OR8D1: variants seen among roughly 807,000 people sequenced by gnomAD.
The protein encoded by OR8D1 is olfactory receptor family 8 subfamily D member 1, also known as olfactory receptor 8D1.
For missense variants in OR8D1, 384 were observed against 366.8 expected (o/e 1.05, Z -0.38); for synonymous variants, 143 against 147.0 (o/e 0.97, Z 0.20).
rs758753578 is a variant in OR8D1 at position 124,310,597 on chromosome 11, G to A, written c.170C>T (p.Thr57Ile). The change falls in exon 3 of 3, where the codon ACC (threonine) becomes ATC (isoleucine). Residue 57 changes from threonine (T) to isoleucine (I), a missense_variant. Physicochemically the swap from Thr to Ile is moderately conservative, Grantham distance 89. Transcript: ENST00000641015. ...LLIAVSPLLHTPMYYFLSSLS... is the reference protein window; with the variant it reads ...LLIAVSPLLHIPMYYFLSSLS... ...GCTGCTGAGGAAATAGTACATGGGG[G>A]TGTGAAGTAGAGGGCTGACTGCAAT... 5 of 1,613,926 alleles carry A rather than the reference G, an allele frequency of 3.1e-6. No individual in the cohort carries two copies. The South Asian group carries it at 5.5e-5, about 18-fold the overall frequency.
intron 2 of OR8D1, 132 bp from the exon 3 acceptor site, chr11:124,310,914 T>A (rs1862416455): frequency 1.7e-6 from 1 of 602,428 alleles, no homozygotes; most frequent in African/African-American, 1.8e-5. Context: ...CTAAACTTGA[T>A]ACCTCTGCTT....
rs1252209367 is a variant in OR8D1, at chr11:124,307,619, A to T, written c.*2221T>A. 1 of 152,176 alleles carries T rather than the reference A, an allele frequency of 6.6e-6. No homozygotes were observed. Among genetic ancestry groups the T allele is most frequent in the Non-Finnish European group, 1.5e-5 (1 of 68,026 alleles). The allele number at this position is 152,176 out of a possible 1,614,324, so 9.4% of individuals were successfully genotyped here. ...TTAGCAACTGCGAAAGCCACTTAAG[A>T]ATCAGAAAATATTGGTGCAGCTTAA... On this transcript the variant is annotated 3_prime_UTR_variant, in exon 3 of 3. Coordinates refer to ENST00000641015, the MANE Select transcript of OR8D1 (RefSeq NM_001002917.2).
Position 124,309,946 on chromosome 11 carries a change from G to A in OR8D1, c.821C>T (p.Ser274Phe), listed in dbSNP as rs779518083. Residue 274 changes from serine to phenylalanine, a missense_variant, in exon 3 of 3, where the codon TCC becomes TTC. By Grantham distance (155) the Ser-to-Phe change is radical (BLOSUM62 -2). Coordinates refer to ENST00000641015, the MANE Select transcript of OR8D1 (RefSeq NM_001002917.2). ...SSNSLDQEKV[S>F]SVFYTTVIPM... Reference sequence around the variant, plus strand: ...GATCACCGTGGTGTAGAACACAGAGGACACCTTCTCCTGGTCCAGGGAGTT... The same window carrying A: ...GATCACCGTGGTGTAGAACACAGAGAACACCTTCTCCTGGTCCAGGGAGTT... 1.0e-5 allele frequency: 16 copies of A among 1,554,978 alleles called. No homozygotes were observed. The South Asian group carries it at 1.9e-4, about 18-fold the overall frequency.
At position 124,309,687 on chromosome 11, in the gene OR8D1, G is replaced by A. The variant is rs1862400207; in HGVS notation, c.*153C>T. ...CTGCTTTACACAATTCTTTTATTTT[G>A]TTGAGAAAGTTGAATCAATCATAGA... On this transcript the variant is annotated 3_prime_UTR_variant, in exon 3 of 3. Transcript: ENST00000641015. The A allele has an allele frequency of 7.1e-6, 3 of 422,412 alleles. No homozygotes were observed. The highest frequency in any genetic ancestry group is 1.2e-5 in the Non-Finnish European group (3 of 243,264). The allele number at this position is 422,412 out of a possible 1,614,324, so 26.2% of individuals were successfully genotyped here. A position where few individuals can be genotyped will look rare whatever the true frequency, so the allele number is the denominator to read the frequency against.
At position 124,308,258 on chromosome 11, in the gene OR8D1, T is replaced by C. The variant is rs1862383855; in HGVS notation, c.*1582A>G. 6.6e-6 allele frequency: 1 copy of C among 152,038 alleles called. No individual in the cohort carries two copies. Among genetic ancestry groups the C allele is most frequent in the Non-Finnish European group, 1.5e-5 (1 of 67,990 alleles). The allele number at this position is 152,038 out of a possible 1,614,324, so 9.4% of individuals were successfully genotyped here. On this transcript the variant is annotated 3_prime_UTR_variant, in exon 3 of 3. Transcript: ENST00000641015. ...TAGAAAACTATGTGGCACCAAATGA[T>C]AATTTGAAGGTCAGGATCCTGGATT...
chr11:124,305,267 A>G lies in OR8D1; in HGVS notation c.*4573T>C, dbSNP rs890271185. Reference sequence around the variant, plus strand: ...AGGCAAGTTGATAGTGCTATGATGCATGCAAATCATGGTGAATCTGAAAGT... The same window carrying G: ...AGGCAAGTTGATAGTGCTATGATGCGTGCAAATCATGGTGAATCTGAAAGT... On this transcript the variant is annotated 3_prime_UTR_variant, in exon 3 of 3. Coordinates refer to ENST00000641015, the MANE Select transcript of OR8D1 (RefSeq NM_001002917.2). 2 of 152,112 alleles carry G rather than the reference A, an allele frequency of 1.3e-5. No individual in the cohort carries two copies. The highest frequency in any genetic ancestry group is 3.9e-4 in the East Asian group (2 of 5,174). 9.4% of individuals were successfully genotyped at this position (152,112 alleles called of 1,614,324 possible).
chr11:124,310,763 T>C lies in OR8D1; in HGVS notation c.4A>G (p.Thr2Ala). The C allele has an allele frequency of 5.6e-6, 9 of 1,606,656 alleles. No homozygotes were observed. Among genetic ancestry groups the C allele is most frequent in the Non-Finnish European group, 7.7e-6 (9 of 1,175,394 alleles). ...GCTGCCATAGAATAATTTTCCATGG[T>C]CATTCTTCTTTAGGCATTTCTGTGA... M[T>A]MENYSMAAQF... Residue 2 changes from threonine (T) to alanine (A), a missense_variant, in exon 3 of 3, where the codon ACC becomes GCC. Physicochemically the swap from Thr to Ala is moderately conservative, Grantham distance 58. Transcript: ENST00000641015.
rs1307276455 is a variant in OR8D1 at position 124,309,998 on chromosome 11, A to G, written c.769T>C (p.Phe257Leu). 6.3e-7 allele frequency: 1 copy of G among 1,588,860 alleles called. No individual in the cohort carries two copies. Among genetic ancestry groups the G allele is most frequent in the Non-Finnish European group, 8.6e-7 (1 of 1,168,214 alleles). The change falls in exon 3 of 3, where the codon TTC becomes CTC. Residue 257 changes from phenylalanine to leucine, a missense_variant. Phe to Leu is a conservative substitution (Grantham distance 22, BLOSUM62 0). Coordinates refer to ENST00000641015, the MANE Select transcript of OR8D1 (RefSeq NM_001002917.2). ...AVVIFFGSIT[F>L]MYFKPPSSNS... ...CTTGAAGGGGGCTTGAAATACATGA[A>G]GGTAATGGACCCAAAGAAGATCACC...
In OR8D1 at chr11:124,304,177, T is replaced by C. The variant is rs932970131; in HGVS notation, c.*5663A>G. On this transcript the variant is annotated 3_prime_UTR_variant, in exon 3 of 3. Coordinates refer to ENST00000641015, the MANE Select transcript of OR8D1 (RefSeq NM_001002917.2). ...ATCACCTGAGAAAGTTTTTTTGTGT[T>C]TATATCCAGTATGAGTATTTACTTC... is the stretch of plus-strand genomic sequence containing the variant. 3 of 151,992 alleles carry C rather than the reference T, an allele frequency of 2.0e-5. No homozygotes were observed. The South Asian group carries it at 6.2e-4, about 31-fold the overall frequency. 9.4% of individuals were successfully genotyped at this position (151,992 alleles called of 1,614,324 possible).
In OR8D1 at chr11:124,307,216, G is replaced by C. The variant is rs1457123972; in HGVS notation, c.*2624C>G. Reference sequence around the variant, plus strand: ...TACAAAAGTGTACTTACAAGTTTGGGACTTTCCATGAGGAGAGAGGATTTT... The same window carrying C: ...TACAAAAGTGTACTTACAAGTTTGGCACTTTCCATGAGGAGAGAGGATTTT... On this transcript the variant is annotated 3_prime_UTR_variant, in exon 3 of 3. Coordinates refer to ENST00000641015, the MANE Select transcript of OR8D1 (RefSeq NM_001002917.2). 1 of 135,110 alleles carries C rather than the reference G, an allele frequency of 7.4e-6. No individual in the cohort carries two copies. Among genetic ancestry groups the C allele is most frequent in the Non-Finnish European group, 1.7e-5 (1 of 58,298 alleles). 8.4% of individuals were successfully genotyped at this position (135,110 alleles called of 1,614,324 possible).
chr11:124,309,747 T>G lies in OR8D1; in HGVS notation c.*93A>C. On this transcript the variant is annotated 3_prime_UTR_variant, in exon 3 of 3. Transcript: ENST00000641015. ...ATTTTTAAAATCTAGATATTATGTA[T>G]GTTACAACAGAAGAACATGAAAATA... The G allele has an allele frequency of 1.5e-6, 1 of 649,024 alleles. No homozygotes were observed. The allele number at this position is 649,024 out of a possible 1,614,324, so 40.2% of individuals were successfully genotyped here. A position where few individuals can be genotyped will look rare whatever the true frequency, so the allele number is the denominator to read the frequency against.
Position 124,310,519 on chromosome 11 carries a change from A to G in OR8D1, c.248T>C (p.Val83Ala). The change falls in exon 3 of 3, where the codon GTG (valine) becomes GCG (alanine). Residue 83 changes from valine to alanine, a missense_variant. Transcript: ENST00000641015. ...TGTATTCTTCTTTCCTAGGAAGTTC[A>G]CCAGCATTTTGGGAGTAATGACAGA... is the stretch of plus-strand genomic sequence containing the variant. ...YSSVITPKML[V>A]NFLGKKNTIL... The G allele has an allele frequency of 6.2e-7, 1 of 1,613,814 alleles. No homozygotes were observed. Among genetic ancestry groups the G allele is most frequent in the Non-Finnish European group, 8.5e-7 (1 of 1,179,898 alleles).
rs186527243 is a variant in OR8D1, at chr11:124,304,446, C to T, written c.*5394G>A. 82 of 151,844 alleles carry T rather than the reference C, an allele frequency of 5.4e-4. 1 individual carries two copies. Among genetic ancestry groups the T allele is most frequent in the African/African-American group, 1.7e-3 (72 of 41,498 alleles). The allele number at this position is 151,844 out of a possible 1,614,324, so 9.4% of individuals were successfully genotyped here. A position where few individuals can be genotyped will look rare whatever the true frequency, so the allele number is the denominator to read the frequency against. On this transcript the variant is annotated 3_prime_UTR_variant, in exon 3 of 3. Coordinates refer to ENST00000641015, the MANE Select transcript of OR8D1 (RefSeq NM_001002917.2). Reference sequence around the variant, plus strand: ...ATTTCCTTCTCCATTTATCAGATGACGGACATTTCTTGATTTTTTTGCTAT... The same window carrying T: ...ATTTCCTTCTCCATTTATCAGATGATGGACATTTCTTGATTTTTTTGCTAT...
In OR8D1 at chr11:124,310,308, A is replaced by G; in HGVS notation, c.459T>C (p.Phe153=). 1 of 1,613,800 alleles carries G rather than the reference A, an allele frequency of 6.2e-7. No homozygotes were observed. Among genetic ancestry groups the G allele is most frequent in the South Asian group, 1.1e-5 (1 of 91,068 alleles). ...LLVLAAFFLG[F]LSALTHTSAM... ...CACTTGTATGAGTCAAGGCAGAGAGAAAGCCCAAGAAGAAGGCAGCCAGCA... is the reference window on the plus strand; with the variant it reads ...CACTTGTATGAGTCAAGGCAGAGAGGAAGCCCAAGAAGAAGGCAGCCAGCA... Residue 153 remains phenylalanine, a synonymous_variant, in exon 3 of 3, where the codon TTT becomes TTC. Transcript: ENST00000641015.
chr11:124,312,649 G>A (rs1404212055), intron 1 of OR8D1, among the ~76,000 whole-genome samples: 1 of 151,178 alleles, frequency 6.6e-6, no homozygotes, highest in East Asian at 2.0e-4. Context: ...TCCTGAGTAG[G>A]TGGGATTACA....
At position 124,303,376 on chromosome 11, in the gene OR8D1, A is replaced by G. The variant is rs751593855; in HGVS notation, c.*6464T>C. The G allele has an allele frequency of 1.1e-4, 17 of 152,198 alleles. No individual in the cohort carries two copies. Among genetic ancestry groups the G allele is most frequent in the African/African-American group, 3.6e-4 (15 of 41,562 alleles). 9.4% of individuals were successfully genotyped at this position (152,198 alleles called of 1,614,324 possible). ...GTGGATGTGGACACAGGGCTAAACCATATGAGTCCTTGACATGTAGTATAG... is the reference window on the plus strand; with the variant it reads ...GTGGATGTGGACACAGGGCTAAACCGTATGAGTCCTTGACATGTAGTATAG... On this transcript the variant is annotated 3_prime_UTR_variant, in exon 3 of 3. Transcript: ENST00000641015.
rs767484004 is a variant in OR8D1, at chr11:124,310,585, T to G, written c.182A>C (p.Tyr61Ser). The G allele has an allele frequency of 3.1e-6, 5 of 1,613,638 alleles. No homozygotes were observed. In the South Asian group the frequency reaches 5.5e-5, roughly 18 times the overall value. The change falls in exon 3 of 3, where the codon TAT (tyrosine) becomes TCT (serine). Residue 61 changes from tyrosine to serine, a missense_variant. Tyr to Ser is a moderately radical substitution (Grantham distance 144). Transcript: ENST00000641015. ...VSPLLHTPMY[Y>S]FLSSLSFVDF... ...GACGAAGGACAAGCTGCTGAGGAAATAGTACATGGGGGTGTGAAGTAGAGG... is the reference window on the plus strand; with the variant it reads ...GACGAAGGACAAGCTGCTGAGGAAAGAGTACATGGGGGTGTGAAGTAGAGG...
In OR8D1 at chr11:124,310,703, C is replaced by T. The variant is rs773986974; in HGVS notation, c.64G>A (p.Glu22Lys). 9 of 1,613,922 alleles carry T rather than the reference C, an allele frequency of 5.6e-6. No homozygotes were observed. In the South Asian group the frequency reaches 9.9e-5, roughly 18 times the overall value. Reference protein sequence around the residue: ...FVLDGLTQQAELQLPLFLLFL... With the variant: ...FVLDGLTQQAKLQLPLFLLFL... ...AGGAGGAAGAGGGGCAGCTGGAGCT[C>T]TGCTTGCTGTGTTAAACCATCTAAG... The change falls in exon 3 of 3, where the codon GAG becomes AAG. Residue 22 changes from glutamate to lysine, a missense_variant. Transcript: ENST00000641015.
rs144757275 is a variant in OR8D1 at position 124,302,908 on chromosome 11, A to T, written c.*6932T>A. On this transcript the variant is annotated 3_prime_UTR_variant, in exon 3 of 3. Transcript: ENST00000641015. ...TAGTGTGATTTCTTTACAAATGAGT[A>T]TATGCAGGAATGCAGTTTCACAAGT... 3 of 152,154 alleles carry T rather than the reference A, an allele frequency of 2.0e-5. No homozygotes were observed. Among genetic ancestry groups the T allele is most frequent in the Non-Finnish European group, 2.9e-5 (2 of 68,012 alleles). The allele number at this position is 152,154 out of a possible 1,614,324, so 9.4% of individuals were successfully genotyped here. A position where few individuals can be genotyped will look rare whatever the true frequency, so the allele number is the denominator to read the frequency against.
Sources: gnomAD v4.1 joint callset for allele counts (sites outside exome capture counted in the v4.1 genomes callset) on GRCh38, gnomAD v4.1.1 for gene constraint, MANE v1.5 for transcripts, NCBI Gene and HGNC (gene_info 2026-07-23, HGNC 2026-07-21) for gene names.